The following TNIK variants were observed in gnomAD, a reference collection of about 807,000 sequenced individuals.
TNIK encodes TRAF2 and NCK interacting kinase.
TNIK carries 49 observed loss-of-function variants against 191.3 expected under a neutral mutation model. That is an observed-to-expected ratio of 0.26 (90% CI 0.20 to 0.32). TNIK has a LOEUF of 0.32. Ranked by LOEUF, TNIK falls within the 10% of genes least tolerant of loss-of-function variation. The pLI, the probability that TNIK is intolerant of heterozygous loss-of-function variation, is 1.00. For synonymous variants in TNIK, 594 were observed against 600.9 expected, an observed-to-expected ratio of 0.99 and a Z score of 0.17; for missense variants, 1,155 against 1,702.3, an observed-to-expected ratio of 0.68 and a Z score of 5.66.
intron 2 of TNIK, among the ~76,000 whole-genome samples, chr3:171,358,809 G>A (rs1356921447): frequency 6.6e-6 from 1 of 152,126 alleles, no homozygotes; most frequent in Non-Finnish European, 1.5e-5. Context: ...CCAACGTAAG[G>A]ACAGACAGAC....
At chr3:171,370,461 T>C (rs369191042) in intron 1 of TNIK, among the ~76,000 whole-genome samples, 4 of 152,198 alleles carry the variant, frequency 2.6e-5, no homozygotes, top group African/African-American at 9.6e-5. Context: ...CCCAAAAAGT[T>C]GAAAAGAAAA....
intron 2 of TNIK, among the ~76,000 whole-genome samples, chr3:171,246,473 T>G (rs1406623052): frequency 6.6e-6 from 1 of 152,150 alleles, no homozygotes; most frequent in Non-Finnish European, 1.5e-5. Flanking sequence ...ACACATTAAC[T>G]CATCACAGCC....
chr3:171,093,247 A>T (rs553833171), intron 23 of TNIK, among the ~76,000 whole-genome samples: 7 of 152,322 alleles, frequency 4.6e-5, no homozygotes, highest in South Asian at 4.1e-4. Flanking sequence ...GATGAAAGGG[A>T]ACATGTGCCA....
chr3:171,273,405 G>A (rs1018278000), intron 2 of TNIK, among the ~76,000 whole-genome samples: 21 of 152,170 alleles, frequency 1.4e-4, no homozygotes, highest in Admixed American at 9.2e-4. Flanking sequence ...AAAGTGGACA[G>A]TATCTTTCTG....
intron 2 of TNIK, among the ~76,000 whole-genome samples, chr3:171,342,763 G>A (rs961616987): frequency 6.6e-6 from 1 of 152,210 alleles, no homozygotes; most frequent in Non-Finnish European, 1.5e-5. Context: ...CTCTATCCTT[G>A]ATATGGTTTG....
At chr3:171,285,829 G>C (rs1190030408) in intron 2 of TNIK, among the ~76,000 whole-genome samples, 1 of 152,228 alleles carries the variant, frequency 6.6e-6, no homozygotes, top group Non-Finnish European at 1.5e-5. Context: ...AACTGGATCA[G>C]TGTCTGGGGC....
Position 171,071,363 on chromosome 3 carries a change from T to G in TNIK, c.3449-40A>C, listed in dbSNP as rs369649594. 1.4e-4 allele frequency: 196 copies of G among 1,374,936 alleles called. 3 individuals carry two copies. In the African/African-American group the frequency reaches 1.8e-3, roughly 12 times the overall value. 85.2% of individuals were successfully genotyped at this position (1,374,936 alleles called of 1,614,324 possible). On this transcript the variant is annotated intron_variant, in intron 28 of 32. Coordinates refer to ENST00000436636, the MANE Select transcript of TNIK (RefSeq NM_015028.4). The stretch of plus-strand genomic sequence containing the variant: ...TTATGAGTGAAAAAGTACATCAATT[T>G]ACTCAAGTTCTTTGTATTAATATTA...
chr3:171,222,500 A>C (rs1742477542), intron 3 of TNIK, among the ~76,000 whole-genome samples: 1 of 152,158 alleles, frequency 6.6e-6, no homozygotes, highest in Non-Finnish European at 1.5e-5. Context: ...TATTAACAAT[A>C]TTATGTGCAT....
At chr3:171,169,612 G>T (rs1735043793) in intron 9 of TNIK, among the ~76,000 whole-genome samples, 1 of 152,052 alleles carries the variant, frequency 6.6e-6, no homozygotes, top group Non-Finnish European at 1.5e-5. Context: ...ATTAATTAGA[G>T]GTTGATAAAT....
chr3:171,156,609 T>TCTGGGCAGAG (rs1560192964), intron 12 of TNIK, among the ~76,000 whole-genome samples: 2 of 151,924 alleles, frequency 1.3e-5, no homozygotes, highest in African/African-American at 4.8e-5. Flanking sequence ...AGGCCTGAGA[T>TCTGGGCAGAG]ATCTGGGCAA....
In TNIK at chr3:171,175,881, C is replaced by T. The variant is rs780478034; in HGVS notation, c.695-551G>A. Among the ~76,000 whole-genome samples the T allele has an allele frequency of 1.8e-4, 27 of 152,262 alleles. 1 individual carries two copies. Among genetic ancestry groups the T allele is most frequent in the Middle Eastern group, 3.4e-3 (1 of 294 alleles). On this transcript the variant is annotated intron_variant, in intron 8 of 32. Transcript: ENST00000436636. Reference sequence around the variant, plus strand: ...CCGAATGGCTTTTCAGGTTTCGTAACGGGTTTTGTTTCATTTTGTTTTTAA... The same window carrying T: ...CCGAATGGCTTTTCAGGTTTCGTAATGGGTTTTGTTTCATTTTGTTTTTAA...
Position 171,295,777 on chromosome 3 carries a change from G to A in TNIK, c.124-67556C>T, listed in dbSNP as rs145116982. 2.2e-3 allele frequency among the ~76,000 whole-genome samples: 342 copies of A among 152,262 alleles called. 3 individuals are homozygous for A. Among genetic ancestry groups the A allele is most frequent in the Non-Finnish European group, 2.8e-3 (189 of 68,012 alleles). ...CAGGGAGGTAGCCCCATCTGGCTGG[G>A]GGGCAACTCCACCAACCCCACTTCT... On this transcript the variant is annotated intron_variant, in intron 2 of 32. Transcript: ENST00000436636.
chr3:171,454,597 G>A lies in TNIK; in HGVS notation c.57+5410C>T, dbSNP rs1728583527. Among the ~76,000 whole-genome samples the A allele has an allele frequency of 1.3e-5, 2 of 152,096 alleles. 1 individual carries two copies. The highest frequency in any genetic ancestry group is 4.8e-5 in the African/African-American group (2 of 41,416). ...TTCTCTGATGTTCTGATAAATACCA[G>A]CACACCCTACTTTTTATGAGGCAAT... On this transcript the variant is annotated intron_variant, in intron 1 of 32. Coordinates refer to ENST00000436636, the MANE Select transcript of TNIK (RefSeq NM_015028.4).
At chr3:171,200,313 C>T (rs1739250979) in intron 4 of TNIK, among the ~76,000 whole-genome samples, 2 of 152,166 alleles carry the variant, frequency 1.3e-5, no homozygotes, top group Admixed American at 1.3e-4. Flanking sequence ...AGGCCTGAGC[C>T]TGGAGGAGGT....
At chr3:171,410,961 T>C (rs1722328586) in intron 1 of TNIK, among the ~76,000 whole-genome samples, 1 of 152,054 alleles carries the variant, frequency 6.6e-6, no homozygotes, top group Non-Finnish European at 1.5e-5. Flanking sequence ...TACACTCAGA[T>C]TGCCTTGCAT....
At chr3:171,197,070 G>A (rs1430994862) in intron 4 of TNIK, among the ~76,000 whole-genome samples, 1 of 152,122 alleles carries the variant, frequency 6.6e-6, no homozygotes, top group African/African-American at 2.4e-5. Flanking sequence ...TTTTAAAAGT[G>A]TAATAATGGT....
intron 2 of TNIK, among the ~76,000 whole-genome samples, chr3:171,321,251 T>C (rs572389283): frequency 6.6e-6 from 1 of 152,208 alleles, no homozygotes; most frequent in Non-Finnish European, 1.5e-5. Flanking sequence ...TAATCAAAAA[T>C]AGATTTTCCC....
In TNIK at chr3:171,085,143, T is replaced by G. The variant is rs1235362593; in HGVS notation, c.2973A>C (p.Glu991Asp). Residue 991 changes from glutamate to aspartate, a missense_variant, in exon 25 of 33, where the codon GAA becomes GAC. By Grantham distance (45) the Glu-to-Asp change is conservative (BLOSUM62 2). Around this residue, in one of 3 missense-constraint regions of TNIK, gnomAD observed 735 missense variants for 848.0 expected, o/e 0.87. Transcript: ENST00000436636. ...VYQTSPTDEDEEDEESSAAAL... is the reference protein window; with the variant it reads ...VYQTSPTDEDDEDEESSAAAL... The stretch of plus-strand genomic sequence containing the variant: ...CTGCGGCTGATGATTCCTCATCCTC[T>G]TCATCTTCATCAGTGGGAGACGTCT... 7 of 1,610,736 alleles carry G rather than the reference T, an allele frequency of 4.3e-6. No individual in the cohort carries two copies. Among genetic ancestry groups the G allele is most frequent in the Admixed American group, 1.7e-5 (1 of 59,666 alleles).
chr3:171,091,934 T>TTTTCTTTC (rs144018156), intron 23 of TNIK, among the ~76,000 whole-genome samples: 109 of 148,618 alleles, frequency 7.3e-4, no homozygotes, highest in Middle Eastern at 6.9e-3. Context: ...GCAAATGCTA[T>TTTTCTTTC]TTTCTTTCTT....
Sources: allele counts gnomAD v4.1 joint callset (sites outside exome capture counted in the v4.1 genomes callset), GRCh38; gene constraint gnomAD v4.1.1; regional missense constraint gnomAD v4.1.1; transcripts MANE v1.5; gene names NCBI Gene and HGNC (gene_info 2026-07-23, HGNC 2026-07-21).